Variants in DAB1 observed in about 807,000 individuals in gnomAD.
DAB1 encodes the protein disabled homolog 1.
Under a neutral mutation model 64.6 loss-of-function variants are expected in DAB1, and 15 were observed. The ratio of observed to expected loss-of-function variants is 0.23; its 90% CI spans 0.16 to 0.36. The LOEUF is 0.36. DAB1 is among the 10% of genes least tolerant of loss of function. The pLI is 1.00. For synonymous variants in DAB1, 235 were observed against 251.9 expected (o/e 0.93, Z 0.64); for missense variants, 596 against 706.7 (o/e 0.84, Z 1.78).
At chr1:58,198,197 T>C (rs1018613044) in intron 4 of DAB1, among the ~76,000 whole-genome samples, 22 of 152,240 alleles carry the variant, frequency 1.4e-4, no homozygotes, top group African/African-American at 5.1e-4. Context: ...AGCATATCCC[T>C]TGAGGAACTC....
chr1:57,746,018 A>G (rs1215748853), intron 6 of DAB1, among the ~76,000 whole-genome samples: 2 of 152,204 alleles, frequency 1.3e-5, no homozygotes, highest in African/African-American at 2.4e-5. Flanking sequence ...CATGTTTCAG[A>G]TCTCACCATT....
intron 8 of DAB1, among the ~76,000 whole-genome samples, chr1:57,064,545 G>T (rs1317228115): frequency 6.6e-6 from 1 of 152,148 alleles, no homozygotes; most frequent in Non-Finnish European, 1.5e-5. Context: ...AGAGATATTT[G>T]CCCTAGAACA....
At position 58,489,278 on chromosome 1, in the gene DAB1, G is replaced by A. The variant is rs549831197; in HGVS notation, n.257+16782C>T. On this transcript the variant is annotated intron_variant and non_coding_transcript_variant, in intron 3 of 20. Transcript: ENST00000485760. ...AATTTTCCGACGGTCTTAGCAAACGGCACACCAGGAGATTATATCCCACGC... is the reference window on the plus strand; with the variant it reads ...AATTTTCCGACGGTCTTAGCAAACGACACACCAGGAGATTATATCCCACGC... Among the ~76,000 whole-genome samples the A allele has an allele frequency of 2.2e-4, 33 of 152,278 alleles. 1 individual carries two copies. The highest frequency in any genetic ancestry group is 5.9e-5 in the Non-Finnish European group (4 of 68,024).
At position 57,502,335 on chromosome 1, in the gene DAB1, A is replaced by AAG. The variant is rs1553188311; in HGVS notation, n.625+147256_625+147257insCT. ...GTCCGTCTCAAAAAAAAAAAAAAAA[A>AAG]AAAGAAAGAAAGAAAGAAACCCACT... On this transcript the variant is annotated intron_variant and non_coding_transcript_variant, in intron 7 of 20. Coordinates refer to the DAB1 transcript ENST00000485760. 1.5e-3 allele frequency among the ~76,000 whole-genome samples: 223 copies of AAG among 146,610 alleles called. 1 individual carries two copies. Among genetic ancestry groups the AAG allele is most frequent in the Middle Eastern group, 7.0e-3 (2 of 286 alleles).
At chr1:58,332,091 TC>T (rs1421072883) in intron 4 of DAB1, among the ~76,000 whole-genome samples, 1 of 152,186 alleles carries the variant, frequency 6.6e-6, no homozygotes, top group Non-Finnish European at 1.5e-5. Flanking sequence ...GCATCACCCT[TC>T]CTCTGTACCA....
chr1:57,982,532 G>C (rs1646092413), intron 5 of DAB1, among the ~76,000 whole-genome samples: 1 of 152,078 alleles, frequency 6.6e-6, no homozygotes, highest in African/African-American at 2.4e-5. Context: ...CTCATCTATG[G>C]GTATTACTTA....
intron 6 of DAB1, among the ~76,000 whole-genome samples, chr1:57,679,709 A>G (rs913202147): frequency 6.6e-6 from 1 of 152,222 alleles, no homozygotes; most frequent in African/African-American, 2.4e-5. Context: ...ATAATTATGC[A>G]TAGAAAACAA....
rs1491351296 is a variant in DAB1, at chr1:58,247,265, CCG to C, written n.309+96085_309+96086del. 2.2e-3 allele frequency among the ~76,000 whole-genome samples: 260 copies of C among 118,548 alleles called. 9 individuals carry two copies. In the East Asian group the frequency reaches 0.034, roughly 16 times the overall value. The allele number at this position is 118,548 out of a possible 152,430, so 77.8% of individuals were successfully genotyped here. A position where few individuals can be genotyped will look rare whatever the true frequency, so the allele number is the denominator to read the frequency against. On this transcript the variant is annotated intron_variant and non_coding_transcript_variant, in intron 4 of 20. Coordinates refer to the DAB1 transcript ENST00000485760. ...TACTATTCATTTTTCATTTCCCCCC[CCG>C]CCAGGTTAAATAAATAAATAAATAA...
At chr1:57,437,371 C>G (rs1452190864) in intron 7 of DAB1, among the ~76,000 whole-genome samples, 5 of 152,086 alleles carry the variant, frequency 3.3e-5, no homozygotes, top group African/African-American at 4.8e-5. Flanking sequence ...CCACTCTTCC[C>G]TTGAAACACA....
At chr1:58,537,749 T>C (rs1646539846) in intron 1 of DAB1, among the ~76,000 whole-genome samples, 1 of 152,230 alleles carries the variant, frequency 6.6e-6, no homozygotes, top group Non-Finnish European at 1.5e-5. Flanking sequence ...ACAAAGTGTG[T>C]CCATTTAAAG....
chr1:57,176,970 T>TACAAAAAAAAAAA lies in DAB1; in HGVS notation c.68-31542_68-31541insTTTTTTTTTTTGT, dbSNP rs146465598. On this transcript the variant is annotated intron_variant, in intron 2 of 14. Transcript: ENST00000371236. ...GATAAAAAAAAGAAGCAGCAGCAGA[T>TACAAAAAAAAAAA]ATAAAAAAAAAAAAAAAAAAAAGCC... Among the ~76,000 whole-genome samples, 8 of 61,032 alleles carry TACAAAAAAAAAAA rather than the reference T, an allele frequency of 1.3e-4. 1 individual carries two copies. The highest frequency in any genetic ancestry group is 2.0e-4 in the African/African-American group (5 of 25,632). 40.0% of individuals were successfully genotyped at this position (61,032 alleles called of 152,430 possible).
At chr1:57,194,371 C>A (rs78918063) in intron 2 of DAB1, among the ~76,000 whole-genome samples, 9,241 of 152,170 alleles carry the variant, frequency 0.061, 552 homozygotes, top group African/African-American at 0.15. Context: ...ACGTAAGGTG[C>A]TGAGAACAGC....
chr1:57,991,845 CAAAA>C (rs56324635), intron 5 of DAB1, among the ~76,000 whole-genome samples: 3 of 60,142 alleles, frequency 5.0e-5, no homozygotes, highest in African/African-American at 7.0e-5. Flanking sequence ...GGCTCTGTCT[CAAAA>C]AAAAAAAAAA....
At chr1:57,069,021 A>T (rs187577788) in intron 8 of DAB1, among the ~76,000 whole-genome samples, 2 of 152,318 alleles carry the variant, frequency 1.3e-5, no homozygotes, top group Non-Finnish European at 2.9e-5. Context: ...AAGAAATTTG[A>T]TAAGCACATT....
At chr1:58,538,553 A>G (rs1471559770) in intron 1 of DAB1, among the ~76,000 whole-genome samples, 1 of 152,192 alleles carries the variant, frequency 6.6e-6, no homozygotes, top group Non-Finnish European at 1.5e-5. Flanking sequence ...TTTCTATACC[A>G]TAAATTAGTA....
chr1:58,519,293 T>C (rs930459217), intron 2 of DAB1, among the ~76,000 whole-genome samples: 1 of 152,170 alleles, frequency 6.6e-6, no homozygotes, highest in Non-Finnish European at 1.5e-5. Context: ...ACATGAGATA[T>C]TTTGATAGAG....
chr1:57,136,276 T>C (rs557964389), intron 4 of DAB1, among the ~76,000 whole-genome samples: 57 of 152,304 alleles, frequency 3.7e-4, no homozygotes, highest in Admixed American at 1.3e-4. Context: ...TACCCATTGA[T>C]CTTCAAAGCT....
chr1:57,919,389 T>G (rs1030899205), intron 5 of DAB1, among the ~76,000 whole-genome samples: 10 of 152,224 alleles, frequency 6.6e-5, no homozygotes, highest in Admixed American at 5.2e-4. Context: ...TAAGTTTCTA[T>G]ATATACATGT....
chr1:58,515,081 C>T (rs79798671), intron 2 of DAB1, among the ~76,000 whole-genome samples: 2 of 152,200 alleles, frequency 1.3e-5, no homozygotes, highest in South Asian at 2.1e-4. Flanking sequence ...TTCAGTCTCA[C>T]ATACCTCCAC....
Sources: allele counts gnomAD v4.1 joint callset (sites outside exome capture counted in the v4.1 genomes callset), GRCh38; gene constraint gnomAD v4.1.1; transcripts MANE v1.5; gene names NCBI Gene and HGNC (gene_info 2026-07-23, HGNC 2026-07-21).